The following PCNX1 variants were observed in gnomAD, a reference collection of about 807,000 sequenced individuals.
PCNX1 encodes pecanex-like protein 1.
A neutral mutation model predicts 242.2 loss-of-function variants in PCNX1; 78 were observed. The observed-to-expected ratio is 0.32, with a 90% CI of 0.27 to 0.39. The LOEUF is 0.39. Ranked by LOEUF, PCNX1 falls within the 10% of genes least tolerant of loss-of-function variation. The probability of loss-of-function intolerance (pLI) is 1.00; values close to 1 mark genes in which losing one functional copy is unlikely to be tolerated. For synonymous variants in PCNX1, 1,024 were observed against 1,032.9 expected (o/e 0.99, Z 0.17); for missense variants, 2,581 against 2,856.5 (o/e 0.90, Z 2.20).
intron 12 of PCNX1, among the ~76,000 whole-genome samples, chr14:71,022,694 G>A (rs1341135463): frequency 1.3e-5 from 2 of 152,102 alleles, no homozygotes; most frequent in African/African-American, 4.8e-5. Flanking sequence ...TAACTTATTT[G>A]ATTATTTTGA....
At chr14:71,015,757 A>G (rs980201904) in intron 11 of PCNX1, among the ~76,000 whole-genome samples, 3 of 152,238 alleles carry the variant, frequency 2.0e-5, no homozygotes, top group Admixed American at 6.5e-5. Flanking sequence ...TTAATCAATA[A>G]GGTGGAAAAA....
At chr14:71,015,481 C>T (rs764879776) in intron 11 of PCNX1, among the ~76,000 whole-genome samples, 1 of 152,094 alleles carries the variant, frequency 6.6e-6, no homozygotes, top group Non-Finnish European at 1.5e-5. Context: ...GATATATCAT[C>T]ACTTTGAAGG....
chr14:70,986,709 A>G (rs2059012291), intron 6 of PCNX1, among the ~76,000 whole-genome samples: 1 of 152,152 alleles, frequency 6.6e-6, no homozygotes, highest in Admixed American at 6.5e-5. Flanking sequence ...TCTATAAATT[A>G]TGTCTGGGTA....
At chr14:71,053,074 A>G (rs1032292457) in intron 24 of PCNX1, among the ~76,000 whole-genome samples, 1 of 152,132 alleles carries the variant, frequency 6.6e-6, no homozygotes, top group Non-Finnish European at 1.5e-5. Flanking sequence ...CACCTTTTAA[A>G]CAGTGGGCTA....
chr14:71,033,121 A>C (rs994549671), intron 16 of PCNX1, among the ~76,000 whole-genome samples: 21 of 152,232 alleles, frequency 1.4e-4, no homozygotes, highest in African/African-American at 5.1e-4. Flanking sequence ...AATAGCACTT[A>C]AAATGTGAAA....
At chr14:71,032,107 C>G in intron 16 of PCNX1, 1 of 597,304 alleles carries the variant, frequency 1.7e-6, no homozygotes, top group South Asian at 1.9e-5. Context: ...GAAAGCAGGT[C>G]GCTCAAGAGA....
At chr14:70,913,772 A>G (rs1486076644) in intron 1 of PCNX1, among the ~76,000 whole-genome samples, 1 of 152,226 alleles carries the variant, frequency 6.6e-6, no homozygotes, top group Non-Finnish European at 1.5e-5. Context: ...GGATTTTCAT[A>G]TTTTAAAATT....
At chr14:71,030,321 A>G (rs1447624024) in intron 16 of PCNX1, among the ~76,000 whole-genome samples, 4 of 152,050 alleles carry the variant, frequency 2.6e-5, no homozygotes, top group Non-Finnish European at 5.9e-5. Context: ...TGAAAGTTGG[A>G]GGCTTGACTT....
chr14:70,919,374 C>T (rs1264714772), intron 1 of PCNX1, among the ~76,000 whole-genome samples: 1 of 152,112 alleles, frequency 6.6e-6, no homozygotes, highest in African/African-American at 2.4e-5. Flanking sequence ...TTAATTTTCA[C>T]AGCAAGCAAC....
At chr14:70,922,534 G>A (rs774587057) in intron 1 of PCNX1, among the ~76,000 whole-genome samples, 5 of 151,962 alleles carry the variant, frequency 3.3e-5, no homozygotes, top group African/African-American at 7.2e-5. Context: ...TATCATCCAC[G>A]CTACCAGTTC....
Position 70,968,977 on chromosome 14 carries a change from T to A in PCNX1, c.515-44T>A, listed in dbSNP as rs541840084. On this transcript the variant is annotated intron_variant, in intron 4 of 35. Transcript: ENST00000304743. ...CCTTGGTTATGCCACCCTACAGCCT[T>A]ACTGTTAATATAAGGTCCTCACATG... is the stretch of plus-strand genomic sequence containing the variant. The A allele has an allele frequency of 3.2e-5, 35 of 1,096,326 alleles. No homozygotes were observed. The South Asian group carries it at 4.2e-4, about 13-fold the overall frequency. The allele number at this position is 1,096,326 out of a possible 1,614,324, so 67.9% of individuals were successfully genotyped here. A position where few individuals can be genotyped will look rare whatever the true frequency, so the allele number is the denominator to read the frequency against.
rs2062783721 is a variant in PCNX1, at chr14:71,113,034, A to G, written c.*3099A>G. The G allele has an allele frequency of 6.6e-6, 1 of 152,248 alleles. No individual in the cohort carries two copies. Among genetic ancestry groups the G allele is most frequent in the Admixed American group, 6.5e-5 (1 of 15,288 alleles). 9.4% of individuals were successfully genotyped at this position (152,248 alleles called of 1,614,324 possible). A position where few individuals can be genotyped will look rare whatever the true frequency, so the allele number is the denominator to read the frequency against. Reference sequence around the variant, plus strand: ...TTTTACACCATTTTCAACACTGGATAAAACTTTAATGTTGACTTTTTGCTA... The same window carrying G: ...TTTTACACCATTTTCAACACTGGATGAAACTTTAATGTTGACTTTTTGCTA... On this transcript the variant is annotated 3_prime_UTR_variant, in exon 36 of 36. Transcript: ENST00000304743.
At chr14:71,078,015 C>T (rs2061760358) in intron 28 of PCNX1, among the ~76,000 whole-genome samples, 1 of 152,196 alleles carries the variant, frequency 6.6e-6, no homozygotes, top group Non-Finnish European at 1.5e-5. Flanking sequence ...AAGTCATGAA[C>T]ATGGCTCAAG....
At chr14:71,027,926 G>C (rs1315002872) in intron 15 of PCNX1, among the ~76,000 whole-genome samples, 1 of 151,720 alleles carries the variant, frequency 6.6e-6, no homozygotes, top group Non-Finnish European at 1.5e-5. Flanking sequence ...ATGATAATGG[G>C]CTTTTGTCAT....
intron 30 of PCNX1, among the ~76,000 whole-genome samples, chr14:71,099,107 G>A (rs569733186): frequency 6.6e-6 from 1 of 151,132 alleles, no homozygotes; most frequent in Admixed American, 6.6e-5. Flanking sequence ...TCTTGGTATT[G>A]ATTTCCATTT....
At chr14:70,993,307 T>G (rs575257074) in intron 7 of PCNX1, among the ~76,000 whole-genome samples, 2 of 151,624 alleles carry the variant, frequency 1.3e-5, no homozygotes, top group African/African-American at 2.4e-5. Flanking sequence ...TTTTGTATGT[T>G]TAGTAGAGAC....
Position 70,909,647 on chromosome 14 carries a change from G to T in PCNX1, c.153+1644G>T, listed in dbSNP as rs188032734. Among the ~76,000 whole-genome samples the T allele has an allele frequency of 1.8e-3, 279 of 152,282 alleles. 1 individual carries two copies. The highest frequency in any genetic ancestry group is 6.1e-3 in the African/African-American group (252 of 41,552). On this transcript the variant is annotated intron_variant, in intron 1 of 35. Coordinates refer to ENST00000304743, the MANE Select transcript of PCNX1 (RefSeq NM_014982.3). ...GGTCATGGTTAAGTCTCTTTGTGTA[G>T]TTAGCAAATGTTACTGAAAGAATAT...
rs765877240 is a variant in PCNX1 at position 71,026,660 on chromosome 14, A to G, written c.3356-112A>G. The G allele has an allele frequency of 8.8e-5, 42 of 478,826 alleles. 1 individual carries two copies. The highest frequency in any genetic ancestry group is 1.4e-4 in the Non-Finnish European group (38 of 275,150). 29.7% of individuals were successfully genotyped at this position (478,826 alleles called of 1,614,324 possible). On this transcript the variant is annotated intron_variant, in intron 14 of 35. Transcript: ENST00000304743. ...TCATTTAAAATACTGTCTTTTAAAA[A>G]TTGCTTAGTAGTTTATGTTAATTTG...
rs2061641352 is a variant in PCNX1, at chr14:71,073,616, T to G, written c.4924T>G (p.Cys1642Gly). ...GVEEDEGFCC[C>G]EPGHIPHMLS... ...AGAGGAAGATGAAGGATTTTGCTGT[T>G]GTGAACCTGGCCATATTCCTCACAT... Residue 1642 changes from cysteine to glycine, a missense_variant, in exon 27 of 36, where the codon TGT becomes GGT. This residue lies in a region of PCNX1 where 298 missense variants were observed against 480.1 expected (regional missense o/e 0.62). Coordinates refer to ENST00000304743, the MANE Select transcript of PCNX1 (RefSeq NM_014982.3). 6.2e-7 allele frequency: 1 copy of G among 1,613,948 alleles called. No individual in the cohort carries two copies. Among genetic ancestry groups the G allele is most frequent in the Non-Finnish European group, 8.5e-7 (1 of 1,179,952 alleles).
Sources: allele counts gnomAD v4.1 joint callset (sites outside exome capture counted in the v4.1 genomes callset), GRCh38; gene constraint gnomAD v4.1.1; regional missense constraint gnomAD v4.1.1; transcripts MANE v1.5; gene names NCBI Gene and HGNC (gene_info 2026-07-23, HGNC 2026-07-21).